The following DOCK8 variants were observed in gnomAD, a reference collection of about 807,000 sequenced individuals.
DOCK8 encodes dedicator of cytokinesis protein 8.
Under a neutral mutation model 245.6 loss-of-function variants are expected in DOCK8, and 141 were observed. That is an observed-to-expected ratio of 0.57 (90% CI 0.50 to 0.66). The LOEUF is 0.66. Ranked by LOEUF, DOCK8 falls within the 30% of genes least tolerant of loss-of-function variation. The pLI is 0.00. For synonymous variants in DOCK8, 1,168 were observed against 970.2 expected (o/e 1.20, Z -3.79); for missense variants, 2,965 against 2,603.4 (o/e 1.14, Z -3.02).
chr9:418,247 A>T, intron 30 of DOCK8, 40 bp downstream of exon 30: 2 of 1,611,952 alleles, frequency 1.2e-6, no homozygotes, highest in Non-Finnish European at 1.7e-6. Context: ...TTTTCATTTC[A>T]TGTCTTCTGT....
chr9:332,720 C>T (rs1217675134), intron 10 of DOCK8, among the ~76,000 whole-genome samples: 2 of 125,806 alleles, frequency 1.6e-5, no homozygotes, highest in Admixed American at 2.1e-4. Flanking sequence ...TGCTGGAGTG[C>T]AATCACGGCC....
intron 36 of DOCK8, among the ~76,000 whole-genome samples, chr9:431,132 C>G (rs374496247): frequency 4.6e-5 from 7 of 152,074 alleles, no homozygotes; most frequent in South Asian, 4.1e-4. Context: ...CCTCAGCCCC[C>G]CAAAGTACTG....
intron 2 of DOCK8, chr9:284,302 C>T (rs966832387): frequency 2.0e-5 from 3 of 152,294 alleles, no homozygotes; most frequent in African/African-American, 7.2e-5. Flanking sequence ...CAAACTTAGT[C>T]CTCATCTGGC....
intron 26 of DOCK8, among the ~76,000 whole-genome samples, chr9:401,370 A>C (rs989114988): frequency 1.3e-5 from 2 of 152,140 alleles, no homozygotes; most frequent in Non-Finnish European, 2.9e-5. Context: ...GGGACCATCC[A>C]GAGGAGCAGG....
chr9:368,297 C>T (rs1201681498), intron 15 of DOCK8, 162 bp downstream of exon 15: 2 of 769,266 alleles, frequency 2.6e-6, no homozygotes, highest in Non-Finnish European at 4.8e-6. Flanking sequence ...AGTGGGGAAA[C>T]AGGGTCAGTC....
chr9:427,522 T>C (rs139306073), intron 34 of DOCK8, among the ~76,000 whole-genome samples: 1 of 152,348 alleles, frequency 6.6e-6, no homozygotes, highest in East Asian at 1.9e-4. Context: ...CTTTGTACCA[T>C]ACTAATTTTA....
chr9:416,122 T>C (rs1193533723), intron 29 of DOCK8, among the ~76,000 whole-genome samples: 1 of 152,140 alleles, frequency 6.6e-6, no homozygotes, highest in East Asian at 1.9e-4. Flanking sequence ...GGTTAGGGTT[T>C]GTAGAGTTCT....
chr9:290,901 A>G (rs918240902), intron 4 of DOCK8, among the ~76,000 whole-genome samples: 1 of 152,238 alleles, frequency 6.6e-6, no homozygotes, highest in Non-Finnish European at 1.5e-5. Context: ...TTTCTGGAGT[A>G]ATGTCAATAT....
At chr9:253,158 G>T (rs964292968) in intron 1 of DOCK8, among the ~76,000 whole-genome samples, 2 of 152,026 alleles carry the variant, frequency 1.3e-5, no homozygotes, top group African/African-American at 4.8e-5. Flanking sequence ...GGGTAGTCTG[G>T]GCTTCACTTC....
chr9:260,284 G>A (rs1043534809), intron 1 of DOCK8, among the ~76,000 whole-genome samples: 1 of 152,102 alleles, frequency 6.6e-6, no homozygotes, highest in African/African-American at 2.4e-5. Context: ...GAGTCTTACA[G>A]TTACCCTGTA....
intron 11 of DOCK8, among the ~76,000 whole-genome samples, chr9:335,721 A>C (rs2051278229): frequency 6.6e-6 from 1 of 152,132 alleles, no homozygotes; most frequent in African/African-American, 2.4e-5. Flanking sequence ...GTCAAGGATA[A>C]CCTGACAACA....
chr9:338,575 A>C, intron 12 of DOCK8, among the ~76,000 whole-genome samples: 1 of 152,160 alleles, frequency 6.6e-6, no homozygotes, highest in Non-Finnish European at 1.5e-5. Context: ...CAGCATTTAT[A>C]CTTAACCTTG....
chr9:309,934 G>T (rs1563906688), intron 5 of DOCK8, among the ~76,000 whole-genome samples: 1 of 152,120 alleles, frequency 6.6e-6, no homozygotes, highest in Non-Finnish European at 1.5e-5. Context: ...GTTAATTAAT[G>T]AGCCAGGGTT....
At chr9:286,682 T>C (rs759302692) in intron 3 of DOCK8, 46 bp downstream of exon 3, 1 of 1,592,000 alleles carries the variant, frequency 6.3e-7, no homozygotes, top group Non-Finnish European at 8.6e-7. Context: ...TTGTCATGAT[T>C]GTTTTCAATA....
chr9:382,400 A>G, intron 21 of DOCK8, 113 bp from the exon 22 acceptor site: 1 of 1,449,920 alleles, frequency 6.9e-7, no homozygotes, highest in Non-Finnish European at 9.6e-7. Context: ...TCTAATTCCA[A>G]GGCCTAATCC....
At position 464,146 on chromosome 9, in the gene DOCK8, T is replaced by G; in HGVS notation, c.6240-13T>G. 6.2e-7 allele frequency: 1 copy of G among 1,609,292 alleles called. No individual in the cohort carries two copies. Among genetic ancestry groups the G allele is most frequent in the South Asian group, 1.1e-5 (1 of 90,974 alleles). On this transcript the variant is annotated splice_polypyrimidine_tract_variant and intron_variant, in intron 47 of 47. Coordinates refer to ENST00000432829, the MANE Select transcript of DOCK8 (RefSeq NM_203447.4). ...TCTCTTTCCCTCTCCTCCCTCTCTT[T>G]TCTTAATTTCAGGGACTCCTTCCAC... is the stretch of plus-strand genomic sequence containing the variant.
chr9:322,538 G>C (rs1413789385), intron 7 of DOCK8, among the ~76,000 whole-genome samples: 2 of 152,210 alleles, frequency 1.3e-5, no homozygotes, highest in African/African-American at 4.8e-5. Flanking sequence ...TGCTTTCCTG[G>C]TGTGTTAAAT....
intron 12 of DOCK8, 100 bp downstream of exon 12, chr9:336,818 A>T: frequency 7.1e-7 from 1 of 1,399,548 alleles, no homozygotes; most frequent in South Asian, 1.2e-5. Context: ...AGAGCAAATT[A>T]GTTAAGCTCA....
chr9:400,985 TCCTC>T (rs2055044262), intron 26 of DOCK8, among the ~76,000 whole-genome samples: 3 of 75,896 alleles, frequency 4.0e-5, no homozygotes, highest in East Asian at 4.4e-4. Context: ...CATCACCACC[TCCTC>T]CACCACCACC....
Sources: allele counts gnomAD v4.1 joint callset (sites outside exome capture counted in the v4.1 genomes callset), GRCh38; gene constraint gnomAD v4.1.1; transcripts MANE v1.5; gene names NCBI Gene and HGNC (gene_info 2026-07-23, HGNC 2026-07-21).